The following DSCAM variants were observed in gnomAD, a reference collection of about 807,000 sequenced individuals.
The protein encoded by DSCAM is cell adhesion molecule DSCAM.
A neutral mutation model predicts 217.7 loss-of-function variants in DSCAM; 47 were observed. The observed-to-expected ratio is 0.22, with a 90% CI of 0.17 to 0.28. The LOEUF is 0.28. Ranked by LOEUF, DSCAM falls within the 10% of genes least tolerant of loss-of-function variation. The pLI is 1.00. For missense variants in DSCAM, 2,080 were observed against 2,618.3 expected (o/e 0.79, Z 4.49); for synonymous variants, 1,056 against 1,015.3 (o/e 1.04, Z -0.76).
Position 40,312,343 on chromosome 21 carries a change from T to C in DSCAM, c.1800A>G (p.Gln600=), listed in dbSNP as rs747096455. 6.2e-7 allele frequency: 1 copy of C among 1,613,544 alleles called. No individual in the cohort carries two copies. Among genetic ancestry groups the C allele is most frequent in the Admixed American group, 1.7e-5 (1 of 59,996 alleles). Residue 600 remains glutamine (Q), a synonymous_variant, in exon 9 of 33, where the codon CAA becomes CAG. Transcript: ENST00000400454. ...TGGAGAATCTTGGAAACTCAAAGGG[T>C]TGTATGAAAGGCGGAACTGCAAGAA... ...HVTVKVPPFI[Q]PFEFPRFSIG... is the part of the protein sequence containing the mutation.
In DSCAM at chr21:40,191,306, A is replaced by T. The variant is rs535890457; in HGVS notation, c.2357-2068T>A. On this transcript the variant is annotated intron_variant, in intron 11 of 32. Coordinates refer to ENST00000400454, the MANE Select transcript of DSCAM (RefSeq NM_001389.5). ...ATGTGGCAGAGATGTGCCCCACAGC[A>T]CTGACCGTGTAATAAGATGGAAAGT... 5.3e-5 allele frequency among the ~76,000 whole-genome samples: 8 copies of T among 152,274 alleles called. No individual in the cohort carries two copies. In the East Asian group the frequency reaches 1.5e-3, roughly 29 times the overall value.
chr21:40,648,706 C>T (rs774240465), intron 3 of DSCAM, among the ~76,000 whole-genome samples: 91 of 152,176 alleles, frequency 6.0e-4, no homozygotes, highest in Non-Finnish European at 1.1e-3. Flanking sequence ...CCAATCAGCA[C>T]ACACTCTCCA....
At chr21:40,768,341 G>A (rs2091414235) in intron 1 of DSCAM, among the ~76,000 whole-genome samples, 1 of 138,842 alleles carries the variant, frequency 7.2e-6, no homozygotes, top group Non-Finnish European at 1.6e-5. Flanking sequence ...CCCACCCTGA[G>A]GGGCTGCAGT....
At chr21:40,681,810 G>A (rs2090403886) in intron 3 of DSCAM, among the ~76,000 whole-genome samples, 1 of 152,090 alleles carries the variant, frequency 6.6e-6, no homozygotes, top group South Asian at 2.1e-4. Context: ...GACACACACA[G>A]GGCAAAAGTC....
chr21:40,229,719 C>G (rs947339785), intron 11 of DSCAM, among the ~76,000 whole-genome samples: 3 of 152,144 alleles, frequency 2.0e-5, no homozygotes, highest in African/African-American at 7.2e-5. Flanking sequence ...AGAGATGTAC[C>G]AAACAAAAGT....
chr21:40,652,493 G>C (rs1243429373), intron 3 of DSCAM, among the ~76,000 whole-genome samples: 2 of 152,080 alleles, frequency 1.3e-5, no homozygotes, highest in African/African-American at 2.4e-5. Flanking sequence ...TTTCCACCCA[G>C]ACTGAATAAC....
intron 3 of DSCAM, among the ~76,000 whole-genome samples, chr21:40,669,736 G>A (rs867418026): frequency 2.6e-5 from 4 of 151,718 alleles, no homozygotes; most frequent in Non-Finnish European, 4.4e-5. Context: ...GTGCCACCAC[G>A]CCTGGTTAAT....
At chr21:40,779,031 A>AG (rs1474404404) in intron 1 of DSCAM, among the ~76,000 whole-genome samples, 2 of 105,568 alleles carry the variant, frequency 1.9e-5, no homozygotes, top group African/African-American at 3.4e-5. Context: ...TCTCAAAAAC[A>AG]GAAAAAAAAA....
At chr21:40,154,111 G>A (rs369360694) in intron 16 of DSCAM, among the ~76,000 whole-genome samples, 2 of 151,992 alleles carry the variant, frequency 1.3e-5, no homozygotes, top group Non-Finnish European at 2.9e-5. Flanking sequence ...TCAGGTCGAG[G>A]AGACCTCTTA....
At chr21:40,711,954 T>C (rs2090785018) in intron 1 of DSCAM, among the ~76,000 whole-genome samples, 2 of 152,228 alleles carry the variant, frequency 1.3e-5, no homozygotes, top group Admixed American at 1.3e-4. Flanking sequence ...AATGAGGCTC[T>C]GCTAGTTACC....
chr21:40,093,598 C>T, intron 21 of DSCAM, 123 bp downstream of exon 21: 1 of 1,222,876 alleles, frequency 8.2e-7, no homozygotes, highest in South Asian at 1.4e-5. Flanking sequence ...GTTTCTTGAG[C>T]TAAAATGTGA....
At chr21:40,798,746 A>C (rs2091713488) in intron 1 of DSCAM, among the ~76,000 whole-genome samples, 1 of 152,118 alleles carries the variant, frequency 6.6e-6, no homozygotes, top group African/African-American at 2.4e-5. Context: ...GACATACCAG[A>C]CTGTTAGCAG....
chr21:40,768,788 AC>A (rs969825838), intron 1 of DSCAM, among the ~76,000 whole-genome samples: 37 of 152,194 alleles, frequency 2.4e-4, no homozygotes, highest in Admixed American at 3.9e-4. Context: ...AAAGTTAGAA[AC>A]AAAAGCCAGT....
intron 11 of DSCAM, among the ~76,000 whole-genome samples, chr21:40,235,062 C>T (rs940642070): frequency 9.9e-5 from 15 of 152,080 alleles, no homozygotes; most frequent in African/African-American, 2.9e-4. Flanking sequence ...AATTTATTTG[C>T]CTGTGTAATT....
chr21:40,181,265 T>C (rs544322555), intron 14 of DSCAM, among the ~76,000 whole-genome samples: 1 of 152,188 alleles, frequency 6.6e-6, no homozygotes, highest in Non-Finnish European at 1.5e-5. Context: ...ATCAGGTCAA[T>C]GTGCTGGGCA....
At chr21:40,675,984 G>A (rs1022425) in intron 3 of DSCAM, among the ~76,000 whole-genome samples, 70,188 of 152,044 alleles carry the variant, frequency 0.46, 16,612 homozygotes, top group East Asian at 0.59. Flanking sequence ...CAGAATTTAA[G>A]ATAGAAGTCA....
At chr21:40,297,504 A>G (rs538944944) in intron 9 of DSCAM, among the ~76,000 whole-genome samples, 1 of 152,268 alleles carries the variant, frequency 6.6e-6, no homozygotes, top group East Asian at 1.9e-4. Context: ...CAAGATACAG[A>G]ATTCTTAATT....
rs1411430550 is a variant in DSCAM at position 40,620,032 on chromosome 21, GAGAGAA to G, written c.508+72772_508+72777del. On this transcript the variant is annotated intron_variant, in intron 3 of 32. Coordinates refer to ENST00000400454, the MANE Select transcript of DSCAM (RefSeq NM_001389.5). ...GAAAAAAGAAAAAGAAAGAAAGAGA[GAGAGAA>G]AGAGAGAGAAAAAAGAAAAAGAAAG... 7.3e-5 allele frequency among the ~76,000 whole-genome samples: 8 copies of G among 109,808 alleles called. 2 individuals are homozygous for G. Among genetic ancestry groups the G allele is most frequent in the East Asian group, 5.5e-4 (2 of 3,630 alleles). 72.0% of individuals were successfully genotyped at this position (109,808 alleles called of 152,430 possible).
intron 18 of DSCAM, among the ~76,000 whole-genome samples, chr21:40,136,979 C>T (rs919979652): frequency 1.3e-5 from 2 of 151,894 alleles, no homozygotes; most frequent in Admixed American, 6.6e-5. Flanking sequence ...TCGAGACCAT[C>T]CTGGCTAACA....
Sources: allele counts gnomAD v4.1 joint callset (sites outside exome capture counted in the v4.1 genomes callset), GRCh38; gene constraint gnomAD v4.1.1; transcripts MANE v1.5; gene names NCBI Gene and HGNC (gene_info 2026-07-23, HGNC 2026-07-21).